The following GUCY2F variants were observed in gnomAD, a reference collection of about 807,000 sequenced individuals.
GUCY2F encodes the protein retinal guanylyl cyclase 2.
A neutral mutation model predicts 73.1 loss-of-function variants in GUCY2F; 61 were observed. That is an observed-to-expected ratio of 0.83 (90% confidence interval 0.68 to 1.03). The LOEUF (loss-of-function observed/expected upper bound fraction) is 1.03, where lower values mean the gene tolerates loss of function less well. Ranked by LOEUF, GUCY2F falls within the 50% of genes least tolerant of loss-of-function variation. The probability of loss-of-function intolerance (pLI) is 0.00; values close to 1 mark genes in which losing one functional copy is unlikely to be tolerated. For synonymous variants in GUCY2F, 331 were observed against 307.8 expected, an observed-to-expected ratio of 1.08 and a Z score of -0.79; for missense variants, 912 against 854.3, an observed-to-expected ratio of 1.07 and a Z score of -0.84.
intron 9 of GUCY2F, among the ~76,000 whole-genome samples, chrX:109,408,086 G>C (rs1470035552): frequency 8.9e-6 from 1 of 112,339 alleles, no homozygotes; most frequent in Non-Finnish European, 1.9e-5. Flanking sequence ...GCCCATGAAA[G>C]CAGCCAGAAG....
intron 7 of GUCY2F, among the ~76,000 whole-genome samples, chrX:109,439,377 C>T (rs1470328379): frequency 2.7e-5 from 3 of 111,673 alleles, no homozygotes; most frequent in Non-Finnish European, 5.7e-5. Flanking sequence ...CCCATTCTCC[C>T]GTCATCTTGA....
At position 109,398,621 on chromosome X, in the gene GUCY2F, T is replaced by C. The variant is rs762879407; in HGVS notation, c.2203A>G (p.Ser735Gly). 9.1e-6 allele frequency: 11 copies of C among 1,207,786 alleles called. No homozygotes were observed. In the Middle Eastern group the frequency reaches 1.2e-3, roughly 127 times the overall value. Reference sequence around the variant, plus strand: ...ACTTCTTGCATGATGATGGCAAAGCTATAGACATCTCCTGCAAAAGAACCT... The same window carrying C: ...ACTTCTTGCATGATGATGGCAAAGCCATAGACATCTCCTGCAAAAGAACCT... ...RLGSFAGDVYSFAIIMQEVMV... is the reference protein window; with the variant it reads ...RLGSFAGDVYGFAIIMQEVMV... Residue 735 changes from serine to glycine, a missense_variant, in exon 11 of 20, where the codon AGC becomes GGC. Transcript: ENST00000218006.
intron 8 of GUCY2F, among the ~76,000 whole-genome samples, chrX:109,426,428 G>T (rs1483482136): frequency 8.9e-6 from 1 of 111,821 alleles, no homozygotes; most frequent in Non-Finnish European, 1.9e-5. Flanking sequence ...TTGGTCTGTC[G>T]CCCAGGCTGG....
chrX:109,394,356 G>A (rs748897922), intron 12 of GUCY2F, among the ~76,000 whole-genome samples: 2 of 111,931 alleles, frequency 1.8e-5, no homozygotes, highest in Admixed American at 9.4e-5. Flanking sequence ...ATGGTCCTTC[G>A]CCTCTTCCAT....
intron 2 of GUCY2F, among the ~76,000 whole-genome samples, chrX:109,473,117 CTA>C (rs1297527814): frequency 9.0e-6 from 1 of 111,661 alleles, no homozygotes; most frequent in Non-Finnish European, 1.9e-5. Flanking sequence ...CTGAATCTGC[CTA>C]TGTTTTGTCA....
At chrX:109,472,540 G>A (rs1377460990) in intron 2 of GUCY2F, among the ~76,000 whole-genome samples, 5 of 112,020 alleles carry the variant, frequency 4.5e-5, no homozygotes, top group African/African-American at 1.6e-4. Context: ...ATAACATCCA[G>A]GAATACTTAG....
In GUCY2F at chrX:109,388,671, T is replaced by C. The variant is rs1039220940; in HGVS notation, c.2782-8A>G. Reference sequence around the variant, plus strand: ...ATCTCCAATGGTCTCTACCTGGGAATTAGGAAAAATAGAATTAGCAAACAA... The same window carrying C: ...ATCTCCAATGGTCTCTACCTGGGAACTAGGAAAAATAGAATTAGCAAACAA... On this transcript the variant is annotated splice_polypyrimidine_tract_variant and splice_region_variant and intron_variant, in intron 14 of 19. Transcript: ENST00000218006. 1.7e-6 allele frequency: 2 copies of C among 1,150,471 alleles called. No individual in the cohort carries two copies. The highest frequency in any genetic ancestry group is 3.6e-5 in the African/African-American group (2 of 56,004). 94.8% of individuals were successfully genotyped at this position (1,150,471 alleles called of 1,213,427 possible). A position where few individuals can be genotyped will look rare whatever the true frequency, so the allele number is the denominator to read the frequency against.
intron 8 of GUCY2F, among the ~76,000 whole-genome samples, chrX:109,412,279 A>G (rs1931129787): frequency 8.9e-6 from 1 of 111,823 alleles, no homozygotes; most frequent in African/African-American, 3.3e-5. Flanking sequence ...ATAAAGAATT[A>G]TTCTATTTTG....
At chrX:109,378,018 G>A (rs1003941851) in intron 17 of GUCY2F, among the ~76,000 whole-genome samples, 2 of 111,332 alleles carry the variant, frequency 1.8e-5, no homozygotes, top group Non-Finnish European at 3.8e-5. Flanking sequence ...GAGAAAAAGA[G>A]AGAAAACAAG....
At chrX:109,373,483 A>G (rs778073973) in intron 19 of GUCY2F, among the ~76,000 whole-genome samples, 1 of 111,718 alleles carries the variant, frequency 9.0e-6, no homozygotes, top group East Asian at 2.8e-4. Context: ...AGTCCAATAA[A>G]GACTCAAAAG....
chrX:109,475,210 G>T lies in GUCY2F; in HGVS notation c.727C>A (p.Arg243Ser). Residue 243 changes from arginine (R) to serine (S), a missense_variant, in exon 2 of 20, where the codon CGC becomes AGC. By Grantham distance (110) the Arg-to-Ser change is moderately radical (BLOSUM62 -1). Transcript: ENST00000218006. ...TTCAGCGGGAGAAAGCACTCACTGC[G>T]AATTCTGTCTGCCTGGTGAATCCTC... ...LQRIHQADRI[R>S]IIIMCMHSAL... 1 of 1,197,796 alleles carries T rather than the reference G, an allele frequency of 8.3e-7. No homozygotes were observed. Among genetic ancestry groups the T allele is most frequent in the Non-Finnish European group, 1.1e-6 (1 of 887,359 alleles).
chrX:109,473,117 C>T (rs1285095942), intron 2 of GUCY2F, among the ~76,000 whole-genome samples: 1 of 111,661 alleles, frequency 9.0e-6, no homozygotes, highest in Non-Finnish European at 1.9e-5. Flanking sequence ...CTGAATCTGC[C>T]TATGTTTTGT....
At chrX:109,432,790 C>A (rs1931645873) in intron 7 of GUCY2F, among the ~76,000 whole-genome samples, 1 of 112,105 alleles carries the variant, frequency 8.9e-6, no homozygotes, top group Non-Finnish European at 1.9e-5. Context: ...CCAGTGAAGC[C>A]TCCTTGTCAC....
chrX:109,434,644 G>A (rs1018444791), intron 7 of GUCY2F, among the ~76,000 whole-genome samples: 1 of 109,854 alleles, frequency 9.1e-6, no homozygotes, highest in African/African-American at 3.4e-5. Context: ...GATCCCATTT[G>A]TCAATTTTGG....
At chrX:109,479,135 G>A (rs948241379) in intron 1 of GUCY2F, among the ~76,000 whole-genome samples, 2 of 111,360 alleles carry the variant, frequency 1.8e-5, no homozygotes. Flanking sequence ...GCACAGTGCT[G>A]CACAGCTGGG....
intron 4 of GUCY2F, 91 bp downstream of exon 4, chrX:109,453,414 G>C (rs770882691): frequency 6.4e-5 from 32 of 496,627 alleles, no homozygotes; most frequent in Non-Finnish European, 1.1e-4. Flanking sequence ...TTTTATGAGT[G>C]TTTCAATATT....
chrX:109,381,989 G>A, intron 17 of GUCY2F, 129 bp downstream of exon 17: 1 of 417,144 alleles, frequency 2.4e-6, no homozygotes, highest in East Asian at 3.8e-5. Flanking sequence ...CCCAAATGGG[G>A]CTGAAGATTC....
At chrX:109,396,210 A>G (rs1189216428) in intron 11 of GUCY2F, among the ~76,000 whole-genome samples, 1 of 111,390 alleles carries the variant, frequency 9.0e-6, no homozygotes, top group African/African-American at 3.3e-5. Flanking sequence ...TCAACCTGTT[A>G]CACTGTCCTG....
At chrX:109,383,181 G>T (rs1487138117) in intron 16 of GUCY2F, among the ~76,000 whole-genome samples, 1 of 111,576 alleles carries the variant, frequency 9.0e-6, no homozygotes, top group Non-Finnish European at 1.9e-5. Flanking sequence ...ATTAACTCAT[G>T]ATCATCCAAA....
Sources: gnomAD v4.1 joint callset for allele counts (sites outside exome capture counted in the v4.1 genomes callset) on GRCh38, gnomAD v4.1.1 for gene constraint, MANE v1.5 for transcripts, NCBI Gene and HGNC (gene_info 2026-07-23, HGNC 2026-07-21) for gene names.